RABGAP1L: variants seen among roughly 807,000 people sequenced by gnomAD.
The protein encoded by RABGAP1L is rab GTPase-activating protein 1-like.
Under a neutral mutation model 137.7 loss-of-function variants are expected in RABGAP1L, and 63 were observed. The ratio of observed to expected loss-of-function variants is 0.46; its 90% confidence interval spans 0.37 to 0.56. The LOEUF is 0.56. Among genes scored for constraint, RABGAP1L ranks in the 20% least tolerant of loss-of-function variants. The pLI, the probability that RABGAP1L is intolerant of heterozygous loss-of-function variation, is 0.00. For synonymous variants in RABGAP1L, 431 were observed against 433.7 expected (o/e 0.99, Z 0.08); for missense variants, 1,095 against 1,244.0 (o/e 0.88, Z 1.80).
In RABGAP1L at chr1:174,886,466, A is replaced by G. The variant is rs551366512; in HGVS notation, c.2341-70991A>G. 8.5e-5 allele frequency among the ~76,000 whole-genome samples: 13 copies of G among 152,368 alleles called. 1 individual carries two copies. The South Asian group carries it at 2.3e-3, about 27-fold the overall frequency. ...TAGCCCTGTAATTGTAATGCCCACA[A>G]TAGGATTTCTGGCAGGCTGAAATAC... On this transcript the variant is annotated intron_variant, in intron 19 of 25. Coordinates refer to ENST00000681986, the MANE Select transcript of RABGAP1L (RefSeq NM_001366446.1).
chr1:174,809,956 T>C (rs1689711275), intron 18 of RABGAP1L, among the ~76,000 whole-genome samples: 1 of 152,242 alleles, frequency 6.6e-6, no homozygotes, highest in South Asian at 2.1e-4. Context: ...CACTTGTTGC[T>C]ATTGCATCTG....
chr1:174,176,267 G>A (rs978246954), intron 1 of RABGAP1L, among the ~76,000 whole-genome samples: 1 of 152,036 alleles, frequency 6.6e-6, no homozygotes, highest in South Asian at 2.1e-4. Flanking sequence ...TGAACTTTTT[G>A]TAACCTGTTA....
At chr1:174,295,668 G>A (rs1677065069) in intron 10 of RABGAP1L, among the ~76,000 whole-genome samples, 1 of 150,282 alleles carries the variant, frequency 6.7e-6, no homozygotes, top group East Asian at 2.0e-4. Flanking sequence ...ACAGGCATGA[G>A]CCACCGCAGC....
At position 174,613,750 on chromosome 1, in the gene RABGAP1L, G is replaced by A. The variant is rs149598078; in HGVS notation, c.1711-23625G>A. ...ATGAATCTGGGTGCTCCTGTATTGG[G>A]TGCATATATATTTAGGATAGTTAGC... is the stretch of plus-strand genomic sequence containing the variant. On this transcript the variant is annotated intron_variant, in intron 13 of 25. Transcript: ENST00000681986. 9.6e-3 allele frequency among the ~76,000 whole-genome samples: 1,463 copies of A among 152,248 alleles called. 7 individuals carry two copies. Among genetic ancestry groups the A allele is most frequent in the Non-Finnish European group, 0.016 (1,055 of 68,026 alleles).
At chr1:174,568,075 G>A (rs1667701870) in intron 13 of RABGAP1L, among the ~76,000 whole-genome samples, 1 of 152,148 alleles carries the variant, frequency 6.6e-6, no homozygotes, top group Non-Finnish European at 1.5e-5. Flanking sequence ...ATGAAGCATA[G>A]CACCATCATC....
In RABGAP1L at chr1:174,596,868, G is replaced by A. The variant is rs555218588; in HGVS notation, c.1711-40507G>A. 6.0e-4 allele frequency among the ~76,000 whole-genome samples: 92 copies of A among 152,120 alleles called. 2 individuals are homozygous for A. The highest frequency in any genetic ancestry group is 1.7e-3 in the South Asian group (8 of 4,818). ...CTTTTCTATATGGCTTTTATTGTGT[G>A]TTGAAGTATGTTTCTTCTCTATCCA... On this transcript the variant is annotated intron_variant, in intron 13 of 25. Coordinates refer to ENST00000681986, the MANE Select transcript of RABGAP1L (RefSeq NM_001366446.1).
chr1:174,275,139 A>G (rs899084805), intron 8 of RABGAP1L: 1 of 152,164 alleles, frequency 6.6e-6, no homozygotes, highest in Non-Finnish European at 1.5e-5. Flanking sequence ...GGCTTGGTAA[A>G]GTCTTAAAGA....
intron 13 of RABGAP1L, among the ~76,000 whole-genome samples, chr1:174,625,347 T>G (rs1393900916): frequency 1.3e-5 from 2 of 152,336 alleles, no homozygotes; most frequent in South Asian, 2.1e-4. Flanking sequence ...TAAGAAAAGT[T>G]TTTGTTGAAT....
chr1:174,795,563 G>C (rs1189611273), intron 18 of RABGAP1L, among the ~76,000 whole-genome samples: 1 of 152,008 alleles, frequency 6.6e-6, no homozygotes, highest in Non-Finnish European at 1.5e-5. Context: ...TAAACCCCAA[G>C]TCCCAAGTTT....
chr1:174,445,892 T>C (rs1490008315), intron 13 of RABGAP1L, among the ~76,000 whole-genome samples: 1 of 152,226 alleles, frequency 6.6e-6, no homozygotes, highest in East Asian at 1.9e-4. Context: ...TAATATATTA[T>C]AAAGATCGGT....
At chr1:174,780,107 TAAATAAATA>T (rs1558070631) in intron 18 of RABGAP1L, among the ~76,000 whole-genome samples, 356 of 147,000 alleles carry the variant, frequency 2.4e-3, no homozygotes, top group Middle Eastern at 0.022. Flanking sequence ...AATAAATAAA[TAAATAAATA>T]AATTAAATAA....
chr1:174,925,528 C>T (rs914225837), intron 19 of RABGAP1L, among the ~76,000 whole-genome samples: 1 of 151,792 alleles, frequency 6.6e-6, no homozygotes, highest in African/African-American at 2.4e-5. Flanking sequence ...GGGGAGAAAG[C>T]GAGCCAGGTA....
chr1:174,208,103 A>G (rs1668623725), intron 1 of RABGAP1L, among the ~76,000 whole-genome samples: 1 of 152,084 alleles, frequency 6.6e-6, no homozygotes, highest in Non-Finnish European at 1.5e-5. Context: ...ATTTTGTTAG[A>G]TTTATACCTA....
chr1:174,382,811 A>G (rs1300610037), intron 12 of RABGAP1L, among the ~76,000 whole-genome samples: 1 of 150,872 alleles, frequency 6.6e-6, no homozygotes, highest in Non-Finnish European at 1.5e-5. Flanking sequence ...TTCTCCATCC[A>G]GCTTTGTTCC....
intron 12 of RABGAP1L, among the ~76,000 whole-genome samples, chr1:174,372,160 T>G (rs1685161724): frequency 6.6e-6 from 1 of 152,098 alleles, no homozygotes; most frequent in Non-Finnish European, 1.5e-5. Context: ...TTAATGAATG[T>G]CAACATAAAA....
At chr1:174,423,517 C>T (rs1370573340) in intron 13 of RABGAP1L, among the ~76,000 whole-genome samples, 2 of 151,834 alleles carry the variant, frequency 1.3e-5, no homozygotes, top group African/African-American at 4.8e-5. Flanking sequence ...TCCAAAATGC[C>T]GTATACCTGC....
intron 18 of RABGAP1L, chr1:174,800,183 T>C: frequency 7.1e-7 from 1 of 1,398,706 alleles, no homozygotes; most frequent in Non-Finnish European, 9.3e-7. Flanking sequence ...AAAATGTTTT[T>C]CTTGTGGAGA....
intron 18 of RABGAP1L, among the ~76,000 whole-genome samples, chr1:174,767,317 A>T (rs921889914): frequency 6.6e-6 from 1 of 152,212 alleles, no homozygotes; most frequent in Non-Finnish European, 1.5e-5. Context: ...CTTTTGATCC[A>T]TGAACATGAG....
At chr1:174,322,812 C>G (rs10912765) in intron 11 of RABGAP1L, among the ~76,000 whole-genome samples, 42,747 of 151,902 alleles carry the variant, frequency 0.28, 6,573 homozygotes, top group African/African-American at 0.39. Context: ...GGGGGCAGAT[C>G]TAGAAGCTGT....
Sources: gnomAD v4.1 joint callset for allele counts (sites outside exome capture counted in the v4.1 genomes callset) on GRCh38, gnomAD v4.1.1 for gene constraint, MANE v1.5 for transcripts, NCBI Gene and HGNC (gene_info 2026-07-23, HGNC 2026-07-21) for gene names.